The following CACNG4 variants were observed in gnomAD, a reference collection of about 807,000 sequenced individuals.
CACNG4 encodes the protein calcium voltage-gated channel auxiliary subunit gamma 4.
Under a neutral mutation model 22.9 loss-of-function variants are expected in CACNG4, and 8 were observed. The ratio of observed to expected loss-of-function variants is 0.35; its 90% CI spans 0.21 to 0.63. The LOEUF (loss-of-function observed/expected upper bound fraction) is 0.63. Among genes scored for constraint, CACNG4 ranks in the 30% least tolerant of loss-of-function variants. The pLI, the probability that CACNG4 is intolerant of heterozygous loss-of-function variation, is 0.72. For missense variants in CACNG4, 357 were observed against 455.4 expected, an observed-to-expected ratio of 0.78 and a Z score of 1.97; for synonymous variants, 188 against 191.9, an observed-to-expected ratio of 0.98 and a Z score of 0.17.
At chr17:67,005,753 A>G (rs1316983534) in intron 1 of CACNG4, among the ~76,000 whole-genome samples, 6 of 152,188 alleles carry the variant, frequency 3.9e-5, no homozygotes, top group Admixed American at 6.5e-5. Context: ...TTGAAAGGAA[A>G]CACCTTTTCG....
intron 2 of CACNG4, among the ~76,000 whole-genome samples, chr17:67,019,438 G>A (rs887731697): frequency 1.1e-4 from 16 of 152,246 alleles, no homozygotes; most frequent in African/African-American, 3.4e-4. Context: ...CCACAGGGCC[G>A]CCAGAGATGG....
chr17:67,021,131 G>T (rs1242194335), intron 2 of CACNG4, among the ~76,000 whole-genome samples: 1 of 152,082 alleles, frequency 6.6e-6, no homozygotes, highest in Non-Finnish European at 1.5e-5. Context: ...AGCCGAGGAA[G>T]TTGAGGCTGC....
chr17:66,992,505 C>T (rs2035347144), intron 1 of CACNG4, among the ~76,000 whole-genome samples: 1 of 152,218 alleles, frequency 6.6e-6, no homozygotes, highest in Non-Finnish European at 1.5e-5. Flanking sequence ...ACCAGCACAC[C>T]CACCTTTCTA....
intron 1 of CACNG4, among the ~76,000 whole-genome samples, chr17:66,992,135 G>A (rs891768484): frequency 1.4e-5 from 2 of 146,444 alleles, no homozygotes; most frequent in African/African-American, 5.2e-5. Context: ...ATGTCACGGG[G>A]TACCTGGTTG....
At chr17:66,997,927 A>G (rs2035385196) in intron 1 of CACNG4, among the ~76,000 whole-genome samples, 1 of 152,154 alleles carries the variant, frequency 6.6e-6, no homozygotes, top group African/African-American at 2.4e-5. Flanking sequence ...CTGAGAAGGA[A>G]GGGAAGGAGG....
At position 66,984,320 on chromosome 17, in the gene CACNG4, G is replaced by T. The variant is rs1207568386; in HGVS notation, c.220+19189G>T. Among the ~76,000 whole-genome samples the T allele has an allele frequency of 6.6e-6, 1 of 152,174 alleles. No homozygotes were observed. On this transcript the variant is annotated intron_variant, in intron 1 of 3. Coordinates refer to ENST00000262138, the MANE Select transcript of CACNG4 (RefSeq NM_014405.4). This position sits in a 1 kb window ranked among gnomAD's most constrained non-coding sequence, Gnocchi z 4.0. The stretch of plus-strand genomic sequence containing the variant: ...TGCCTGAGCCCTGGAGTTTGAGGCT[G>T]CAGTGAGCCACCACTGCACTCCAGC...
intron 2 of CACNG4, among the ~76,000 whole-genome samples, chr17:67,020,762 G>A (rs958519544): frequency 2.6e-5 from 4 of 152,178 alleles, no homozygotes; most frequent in African/African-American, 4.8e-5. Flanking sequence ...TGTGTTTCCA[G>A]GGCCACCCTG....
At chr17:66,989,631 C>T (rs962826860) in intron 1 of CACNG4, among the ~76,000 whole-genome samples, 2 of 151,590 alleles carry the variant, frequency 1.3e-5, no homozygotes, top group African/African-American at 4.9e-5. Flanking sequence ...ATTAATTCAG[C>T]CTTGCAAATA....
At chr17:66,980,945 C>T (rs1278062109) in intron 1 of CACNG4, among the ~76,000 whole-genome samples, 1 of 151,990 alleles carries the variant, frequency 6.6e-6, no homozygotes, top group African/African-American at 2.4e-5. Context: ...TGCATTTCTT[C>T]CAGAGGTTCC....
chr17:67,026,643 CGT>C (rs1331818780), intron 3 of CACNG4, among the ~76,000 whole-genome samples: 1 of 117,422 alleles, frequency 8.5e-6, no homozygotes, highest in East Asian at 2.5e-4. Context: ...GTGTCTGAGA[CGT>C]GTAGTGTGCG....
rs1383622668 is a variant in CACNG4 at position 67,031,429 on chromosome 17, G to C, written c.*425G>C. On this transcript the variant is annotated 3_prime_UTR_variant, in exon 4 of 4. Coordinates refer to ENST00000262138, the MANE Select transcript of CACNG4 (RefSeq NM_014405.4). The surrounding 1 kb of genome is among the most constrained non-coding windows in gnomAD (Gnocchi z 4.0). ...GGGCCACCAGAAGGCTCTGCCGGACGCCAAGAAGACGGTCTCTGGGCTCTT... is the reference window on the plus strand; with the variant it reads ...GGGCCACCAGAAGGCTCTGCCGGACCCCAAGAAGACGGTCTCTGGGCTCTT... The C allele has an allele frequency of 2.2e-6, 1 of 461,732 alleles. No homozygotes were observed. Among genetic ancestry groups the C allele is most frequent in the Non-Finnish European group, 4.3e-6 (1 of 230,394 alleles). The allele number at this position is 461,732 out of a possible 1,614,324, so 28.6% of individuals were successfully genotyped here.
chr17:67,014,450 G>T (rs988188753), intron 1 of CACNG4, among the ~76,000 whole-genome samples: 1 of 152,150 alleles, frequency 6.6e-6, no homozygotes, highest in African/African-American at 2.4e-5. Context: ...CTAGGAGACC[G>T]AGTCAACAGC....
At chr17:66,999,502 A>G (rs981323336) in intron 1 of CACNG4, among the ~76,000 whole-genome samples, 4 of 152,244 alleles carry the variant, frequency 2.6e-5, no homozygotes, top group Admixed American at 6.5e-5. Flanking sequence ...AGGAGGCCTC[A>G]GGAAGCTTAC....
At chr17:66,974,241 A>G (rs1262145631) in intron 1 of CACNG4, among the ~76,000 whole-genome samples, 1 of 152,210 alleles carries the variant, frequency 6.6e-6, no homozygotes, top group Non-Finnish European at 1.5e-5. Flanking sequence ...CCTGGAGGCC[A>G]GGACAAAGAA....
intron 2 of CACNG4, among the ~76,000 whole-genome samples, chr17:67,021,241 G>A (rs2035530042): frequency 6.6e-6 from 1 of 152,144 alleles, no homozygotes; most frequent in African/African-American, 2.4e-5. Context: ...CTATGTACCA[G>A]GCACTGTATT....
At chr17:66,980,596 T>A (rs1051832703) in intron 1 of CACNG4, among the ~76,000 whole-genome samples, 2 of 151,804 alleles carry the variant, frequency 1.3e-5, no homozygotes, top group African/African-American at 4.8e-5. Flanking sequence ...AAATTTTCCA[T>A]TGACAATTCC....
intron 1 of CACNG4, among the ~76,000 whole-genome samples, chr17:66,996,379 CT>C (rs10585610): frequency 0.036 from 4,613 of 129,104 alleles, 109 homozygotes; most frequent in Non-Finnish European, 0.057. Flanking sequence ...CAGTCCGATT[CT>C]TTTTTTTTTT....
intron 1 of CACNG4, among the ~76,000 whole-genome samples, chr17:66,975,359 C>T (rs2035230039): frequency 6.6e-6 from 1 of 152,152 alleles, no homozygotes; most frequent in Admixed American, 6.5e-5. Context: ...AGACGGTCAG[C>T]ATTGAAGCCA....
intron 1 of CACNG4, among the ~76,000 whole-genome samples, chr17:66,976,519 C>T (rs1354334993): frequency 6.6e-6 from 1 of 150,738 alleles, no homozygotes; most frequent in Non-Finnish European, 1.5e-5. Context: ...TCCCTCCCTC[C>T]ATCCTCCCTC....
Sources: gnomAD v4.1 joint callset for allele counts (sites outside exome capture counted in the v4.1 genomes callset) on GRCh38, gnomAD v4.1.1 for gene constraint, Gnocchi (gnomAD v3.1) non-coding constraint, MANE v1.5 for transcripts, NCBI Gene and HGNC (gene_info 2026-07-23, HGNC 2026-07-21) for gene names.